Variants in TMEM182 observed in about 807,000 individuals in gnomAD.
The protein encoded by TMEM182 is transmembrane protein 182.
In TMEM182, 20 loss-of-function variants were observed where a neutral mutation model predicts 26.8. The observed-to-expected ratio is 0.75, with a 90% CI of 0.53 to 1.09. The LOEUF (loss-of-function observed/expected upper bound fraction) is 1.09. Among genes scored for constraint, TMEM182 ranks in the 50% least tolerant of loss-of-function variants. The probability of loss-of-function intolerance (pLI) is 0.00; values close to 1 mark genes in which losing one functional copy is unlikely to be tolerated. For missense variants in TMEM182, 277 were observed against 275.5 expected (o/e 1.01, Z -0.04); for synonymous variants, 109 against 102.2 (o/e 1.07, Z -0.40).
intron 1 of TMEM182, among the ~76,000 whole-genome samples, chr2:102,748,760 A>G (rs1679789742): frequency 1.3e-5 from 2 of 152,174 alleles, no homozygotes; most frequent in South Asian, 4.1e-4. Context: ...TGAGTTCTCA[A>G]ATTAAGCTGA....
chr2:102,770,869 A>G (rs1680643618), intron 3 of TMEM182, among the ~76,000 whole-genome samples: 1 of 152,010 alleles, frequency 6.6e-6, no homozygotes, highest in African/African-American at 2.4e-5. Flanking sequence ...ATGTCCTTAC[A>G]TTTGGCAGTT....
rs540372229 is a variant in TMEM182 at position 102,815,268 on chromosome 2, C to T, written c.*300C>T. 4.9e-5 allele frequency: 52 copies of T among 1,067,518 alleles called. 1 individual carries two copies. The South Asian group carries it at 1.9e-3, about 40-fold the overall frequency. 66.1% of individuals were successfully genotyped at this position (1,067,518 alleles called of 1,614,324 possible). A position where few individuals can be genotyped will look rare whatever the true frequency, so the allele number is the denominator to read the frequency against. On this transcript the variant is annotated 3_prime_UTR_variant, in exon 5 of 5. Transcript: ENST00000412401. The stretch of plus-strand genomic sequence containing the variant: ...GCAGGTCGCAAAGGCCTGATAATAG[C>T]TTAATACCATGACATGGGGAAAATC...
Position 102,816,510 on chromosome 2 carries a change from CAATAATAATAATAAT to C in TMEM182, c.*1566_*1580del, listed in dbSNP as rs58667727. On this transcript the variant is annotated 3_prime_UTR_variant, in exon 5 of 5. Transcript: ENST00000412401. ...AGGGCATTTTCATGACAGGACTTGCCAATAATAATAATAATAATAATAATAATAATAATAATAAAG... is the reference window on the plus strand; with the variant it reads ...AGGGCATTTTCATGACAGGACTTGCCAATAATAATAATAATAATAATAAAG... The C allele has an allele frequency of 7.2e-5, 67 of 926,198 alleles. No homozygotes were observed. Among genetic ancestry groups the C allele is most frequent in the Non-Finnish European group, 8.3e-5 (65 of 783,280 alleles). 57.4% of individuals were successfully genotyped at this position (926,198 alleles called of 1,614,324 possible).
downstream of TMEM182, among the ~76,000 whole-genome samples, chr2:102,821,306 A>G (rs971325499): frequency 4.6e-5 from 7 of 152,104 alleles, no homozygotes; most frequent in African/African-American, 9.7e-5. Context: ...ATAATCCCCA[A>G]TGTTGGAGGT....
chr2:102,805,125 C>G (rs1412271761), intron 4 of TMEM182, among the ~76,000 whole-genome samples: 2 of 152,344 alleles, frequency 1.3e-5, no homozygotes, highest in South Asian at 4.1e-4. Flanking sequence ...GATGTGACGG[C>G]TTTTATTTAC....
chr2:102,753,969 C>T (rs552846437), intron 1 of TMEM182, among the ~76,000 whole-genome samples: 8 of 152,048 alleles, frequency 5.3e-5, no homozygotes, highest in Admixed American at 1.3e-4. Flanking sequence ...ACAATATGAC[C>T]GTGTTTTATA....
chr2:102,765,629 T>G (rs1680400932), intron 3 of TMEM182, among the ~76,000 whole-genome samples: 1 of 152,242 alleles, frequency 6.6e-6, no homozygotes, highest in Non-Finnish European at 1.5e-5. Flanking sequence ...GTTAAATATG[T>G]AATTCCATAC....
chr2:102,795,770 G>T (rs1184913895), intron 3 of TMEM182, among the ~76,000 whole-genome samples: 1 of 151,972 alleles, frequency 6.6e-6, no homozygotes, highest in African/African-American at 2.4e-5. Flanking sequence ...ACACCCTCTG[G>T]CTCCTCGGAC....
chr2:102,820,858 C>A (rs1354275965), downstream of TMEM182, among the ~76,000 whole-genome samples: 3 of 152,068 alleles, frequency 2.0e-5, no homozygotes, highest in African/African-American at 7.2e-5. Context: ...AGGTTGAGGA[C>A]AGGGAAGAAG....
At chr2:102,751,765 C>T (rs1353296809) in intron 1 of TMEM182, among the ~76,000 whole-genome samples, 1 of 152,176 alleles carries the variant, frequency 6.6e-6, no homozygotes, top group East Asian at 1.9e-4. Context: ...CCTGAGGGCT[C>T]AAGCGATCCT....
chr2:102,831,151 G>A (rs1169240869), intron 3 of TMEM182, among the ~76,000 whole-genome samples: 1 of 152,218 alleles, frequency 6.6e-6, no homozygotes, highest in Non-Finnish European at 1.5e-5. Context: ...ACTGTGAACA[G>A]TGCTGCAACA....
intron 3 of TMEM182, among the ~76,000 whole-genome samples, chr2:102,786,022 T>G (rs1437478288): frequency 6.7e-6 from 1 of 150,056 alleles, no homozygotes; most frequent in East Asian, 2.0e-4. Flanking sequence ...AGATCACAGG[T>G]CTTTTCAGGT....
intron 3 of TMEM182, chr2:102,775,647 C>T (rs1285660873): frequency 6.7e-6 from 1 of 148,976 alleles, no homozygotes; most frequent in African/African-American, 2.6e-5. Context: ...ACCCCATCGT[C>T]TCAGCCCAAA....
chr2:102,779,804 C>T (rs1681085778), intron 3 of TMEM182, among the ~76,000 whole-genome samples: 1 of 151,942 alleles, frequency 6.6e-6, no homozygotes, highest in Non-Finnish European at 1.5e-5. Flanking sequence ...TGAGACCAGC[C>T]TGGCCAACAT....
intron 3 of TMEM182, among the ~76,000 whole-genome samples, chr2:102,766,574 G>A (rs1006399579): frequency 6.6e-6 from 1 of 152,050 alleles, no homozygotes; most frequent in Admixed American, 6.6e-5. Flanking sequence ...TAAATTTGGG[G>A]TTTTTTTGTT....
chr2:102,742,508 A>G (rs1310192945), intron 1 of TMEM182, among the ~76,000 whole-genome samples: 1 of 152,232 alleles, frequency 6.6e-6, no homozygotes, highest in African/African-American at 2.4e-5. Flanking sequence ...CAATTACTTG[A>G]AGTAAATAAT....
At chr2:102,824,295 G>A (rs1025934578) in intron 3 of TMEM182, among the ~76,000 whole-genome samples, 9 of 152,160 alleles carry the variant, frequency 5.9e-5, no homozygotes. Flanking sequence ...CCTGTCCTCA[G>A]TGATTGTTTG....
At chr2:102,814,504 A>C (rs1682669538) in intron 4 of TMEM182, among the ~76,000 whole-genome samples, 1 of 152,216 alleles carries the variant, frequency 6.6e-6, no homozygotes, top group Non-Finnish European at 1.5e-5. Context: ...CCCAGGAAAC[A>C]CTCAATAAAT....
downstream of TMEM182, among the ~76,000 whole-genome samples, chr2:102,822,463 T>A (rs2104768154): frequency 6.6e-6 from 1 of 152,272 alleles, no homozygotes; most frequent in South Asian, 2.1e-4. Context: ...GGAAAAAAGG[T>A]GATCTTTGGA....
Sources: allele counts gnomAD v4.1 joint callset (sites outside exome capture counted in the v4.1 genomes callset), GRCh38; gene constraint gnomAD v4.1.1; transcripts MANE v1.5; gene names NCBI Gene and HGNC (gene_info 2026-07-23, HGNC 2026-07-21).